Variants in LDB2 observed in about 807,000 individuals in gnomAD.
LDB2 encodes the protein LIM domain-binding protein 2.
In LDB2, 12 loss-of-function variants were observed where a neutral mutation model predicts 44.3. The observed-to-expected ratio is 0.27, with a 90% CI of 0.17 to 0.44. LDB2 has a LOEUF of 0.44. Ranked by LOEUF, LDB2 falls within the 20% of genes least tolerant of loss-of-function variation. The pLI, the probability that LDB2 is intolerant of heterozygous loss-of-function variation, is 1.00. For missense variants in LDB2, 344 were observed against 473.5 expected, an observed-to-expected ratio of 0.73 and a Z score of 2.54; for synonymous variants, 164 against 174.8, an observed-to-expected ratio of 0.94 and a Z score of 0.49.
chr4:16,893,010 T>C (rs1251151356), intron 1 of LDB2: 2 of 680,018 alleles, frequency 2.9e-6, no homozygotes, highest in African/African-American at 2.0e-5. Flanking sequence ...ACAGTTCCCA[T>C]AGTAAGAAAA....
intron 1 of LDB2, among the ~76,000 whole-genome samples, chr4:16,890,362 G>A (rs1316518241): frequency 6.6e-6 from 1 of 152,212 alleles, no homozygotes; most frequent in East Asian, 1.9e-4. Flanking sequence ...GGGGGGGCAC[G>A]GAGTGCTGTT....
intron 5 of LDB2, among the ~76,000 whole-genome samples, chr4:16,575,281 G>A (rs1206514569): frequency 1.2e-4 from 19 of 152,156 alleles, no homozygotes. Context: ...TAAAGAGGAA[G>A]AGAACACACA....
At chr4:16,801,233 T>C (rs990437973) in intron 1 of LDB2, among the ~76,000 whole-genome samples, 1 of 152,204 alleles carries the variant, frequency 6.6e-6, no homozygotes, top group East Asian at 1.9e-4. Flanking sequence ...CTTAAGCCCC[T>C]GGGCTTCATG....
intron 5 of LDB2, among the ~76,000 whole-genome samples, chr4:16,527,840 T>C (rs982415791): frequency 2.6e-5 from 4 of 152,168 alleles, no homozygotes; most frequent in Non-Finnish European, 5.9e-5. Flanking sequence ...TGTGAGGTAA[T>C]GAATATGTTA....
At chr4:16,664,133 G>A (rs1285543348) in intron 2 of LDB2, among the ~76,000 whole-genome samples, 3 of 152,194 alleles carry the variant, frequency 2.0e-5, no homozygotes, top group Non-Finnish European at 1.5e-5. Context: ...GGTATTAGGA[G>A]GCTGGGTCTT....
intron 2 of LDB2, among the ~76,000 whole-genome samples, chr4:16,701,525 AT>A (rs1321156607): frequency 1.4e-4 from 22 of 152,366 alleles, no homozygotes; most frequent in African/African-American, 5.0e-4. Context: ...AGCATTTAGC[AT>A]ATATAGCACC....
chr4:16,792,736 C>T (rs2109625606), intron 1 of LDB2, among the ~76,000 whole-genome samples: 1 of 152,318 alleles, frequency 6.6e-6, no homozygotes, highest in Admixed American at 6.5e-5. Flanking sequence ...CTCCTGTCTG[C>T]AGTTAAACAG....
chr4:16,853,490 G>C (rs1249846381), intron 1 of LDB2, among the ~76,000 whole-genome samples: 1 of 152,110 alleles, frequency 6.6e-6, no homozygotes, highest in African/African-American at 2.4e-5. Flanking sequence ...TAAATGGTGA[G>C]GATGTGGAGA....
intron 2 of LDB2, among the ~76,000 whole-genome samples, chr4:16,742,940 C>T (rs767485362): frequency 6.6e-6 from 1 of 152,180 alleles, no homozygotes; most frequent in Non-Finnish European, 1.5e-5. Context: ...CCAACCCCTA[C>T]AGCAGGAAAT....
chr4:16,761,014 T>C (rs902057556), intron 1 of LDB2, among the ~76,000 whole-genome samples: 1 of 152,046 alleles, frequency 6.6e-6, no homozygotes, highest in Non-Finnish European at 1.5e-5. Context: ...TGTGGTTTTT[T>C]TTTTTTCTCT....
chr4:16,508,147 G>A (rs892787333), intron 7 of LDB2, among the ~76,000 whole-genome samples: 3 of 152,176 alleles, frequency 2.0e-5, no homozygotes, highest in African/African-American at 7.2e-5. Context: ...GGACTGAGCC[G>A]CTGGGAGCTA....
chr4:16,717,123 G>C (rs1464408766), intron 2 of LDB2, among the ~76,000 whole-genome samples: 11 of 151,442 alleles, frequency 7.3e-5, no homozygotes, highest in Admixed American at 7.3e-4. Context: ...ATCCATAGTA[G>C]CTTTAGTTTC....
chr4:16,828,438 T>G (rs1419737467), intron 1 of LDB2, among the ~76,000 whole-genome samples: 1 of 152,202 alleles, frequency 6.6e-6, no homozygotes. Context: ...TACCTCTAGT[T>G]AGGAGAGTTA....
chr4:16,729,561 G>A (rs962347548), intron 2 of LDB2, among the ~76,000 whole-genome samples: 5 of 152,072 alleles, frequency 3.3e-5, no homozygotes, highest in South Asian at 4.2e-4. Context: ...ATTTCAGGCC[G>A]CTTTTATCCT....
chr4:16,753,569 G>A (rs549584112), intron 2 of LDB2, among the ~76,000 whole-genome samples: 1 of 152,270 alleles, frequency 6.6e-6, no homozygotes, highest in East Asian at 1.9e-4. Flanking sequence ...AATGAGCCTT[G>A]GTGACTGAGG....
At chr4:16,644,214 C>T (rs1463550463) in intron 2 of LDB2, among the ~76,000 whole-genome samples, 1 of 152,116 alleles carries the variant, frequency 6.6e-6, no homozygotes, top group Non-Finnish European at 1.5e-5. Context: ...TTGGTAAATT[C>T]TGGTTTTGAC....
intron 1 of LDB2, among the ~76,000 whole-genome samples, chr4:16,790,544 G>A (rs1352568651): frequency 6.6e-6 from 1 of 152,138 alleles, no homozygotes; most frequent in Admixed American, 6.6e-5. Context: ...ATACCACCTA[G>A]GTTTGTGTAC....
At chr4:16,506,221 A>C (rs748899961) in intron 7 of LDB2, 27 of 433,572 alleles carry the variant, frequency 6.2e-5, no homozygotes, top group Non-Finnish European at 1.1e-4. Flanking sequence ...TTATCATTTA[A>C]TGTCCATTCA....
chr4:16,885,624 T>C (rs1721438444), intron 1 of LDB2, among the ~76,000 whole-genome samples: 1 of 152,176 alleles, frequency 6.6e-6, no homozygotes, highest in South Asian at 2.1e-4. Context: ...TGGTTCTAGA[T>C]CAACACTAAC....
Sources: allele counts gnomAD v4.1 joint callset (sites outside exome capture counted in the v4.1 genomes callset), GRCh38; gene constraint gnomAD v4.1.1; transcripts MANE v1.5; gene names NCBI Gene and HGNC (gene_info 2026-07-23, HGNC 2026-07-21).